Variants in DDX60L observed in about 807,000 individuals in gnomAD.
DDX60L encodes probable ATP-dependent RNA helicase DDX60-like.
In DDX60L, 191 loss-of-function variants were observed where a neutral mutation model predicts 211.6. The ratio of observed to expected loss-of-function variants is 0.90; its 90% CI spans 0.80 to 1.02. DDX60L has a LOEUF of 1.02. Among genes scored for constraint, DDX60L ranks in the 50% least tolerant of loss-of-function variants. The pLI is 0.00. For missense variants in DDX60L, 2,007 were observed against 1,984.1 expected (o/e 1.01, Z -0.22); for synonymous variants, 706 against 694.1 (o/e 1.02, Z -0.27).
At chr4:168,409,070 T>G (rs17612303) in intron 22 of DDX60L, among the ~76,000 whole-genome samples, 16,667 of 152,240 alleles carry the variant, frequency 0.11, 1,257 homozygotes, top group Admixed American at 0.15. Context: ...CATTGCTATC[T>G]TAGGAGCACG....
intron 25 of DDX60L, 130 bp downstream of exon 25, chr4:168,403,852 C>A (rs918530852): frequency 9.0e-6 from 4 of 445,392 alleles, no homozygotes; most frequent in African/African-American, 8.2e-5. Context: ...TATTATTTTT[C>A]TAAAATGCAA....
Position 168,415,845 on chromosome 4 carries a change from T to C in DDX60L, c.2727-46A>G, listed in dbSNP as rs1430499941. The stretch of plus-strand genomic sequence containing the variant: ...ATAATTTAAATAAAATATAGAAGTA[T>C]TTATCAAGAACTTGGATATTTTAAA... On this transcript the variant is annotated intron_variant, in intron 20 of 37. Transcript: ENST00000682922. 2.9e-6 allele frequency: 4 copies of C among 1,372,156 alleles called. No homozygotes were observed. The South Asian group carries it at 6.9e-5, about 24-fold the overall frequency. The allele number at this position is 1,372,156 out of a possible 1,614,324, so 85.0% of individuals were successfully genotyped here.
At chr4:168,360,677 T>C (rs1390976836) in intron 37 of DDX60L, among the ~76,000 whole-genome samples, 1 of 152,184 alleles carries the variant, frequency 6.6e-6, no homozygotes, top group Admixed American at 6.5e-5. Flanking sequence ...CTGTTGAGCA[T>C]TGGGCAGATG....
At chr4:168,450,257 C>T (rs1476148420) in intron 8 of DDX60L, among the ~76,000 whole-genome samples, 1 of 152,118 alleles carries the variant, frequency 6.6e-6, no homozygotes, top group African/African-American at 2.4e-5. Context: ...TCAGCCAGCT[C>T]TATAAACTGG....
chr4:168,471,493 C>G, intron 4 of DDX60L: 1 of 294,384 alleles, frequency 3.4e-6, no homozygotes, highest in Non-Finnish European at 6.1e-6. Flanking sequence ...ATATACCCCT[C>G]AGCCCAGGCT....
chr4:168,386,140 T>C lies in DDX60L; in HGVS notation c.3916-1328A>G, dbSNP rs140166150. On this transcript the variant is annotated intron_variant, in intron 29 of 37. Coordinates refer to ENST00000682922, the MANE Select transcript of DDX60L (RefSeq NM_001012967.3). The stretch of plus-strand genomic sequence containing the variant: ...CTTCTTCAGTTCTGCTTGGTTGAAA[T>C]AGTTGAGCCCTGACTGGGTGGTTTC... Among the ~76,000 whole-genome samples the C allele has an allele frequency of 9.9e-5, 15 of 152,180 alleles. No individual in the cohort carries two copies. The East Asian group carries it at 1.2e-3, about 12-fold the overall frequency.
chr4:168,428,756 C>T (rs754751209), intron 13 of DDX60L, among the ~76,000 whole-genome samples: 1 of 152,152 alleles, frequency 6.6e-6, no homozygotes, highest in Non-Finnish European at 1.5e-5. Context: ...GAAGAATGAT[C>T]GCAAAGTAGT....
At chr4:168,428,026 GAGCC>G (rs1175132362) in intron 13 of DDX60L, among the ~76,000 whole-genome samples, 14 of 152,390 alleles carry the variant, frequency 9.2e-5, no homozygotes, top group Admixed American at 3.9e-4. Context: ...TGGGCCCCAG[GAGCC>G]AGCCTTGGGC....
intron 25 of DDX60L, among the ~76,000 whole-genome samples, chr4:168,403,496 G>A (rs1393367574): frequency 6.6e-6 from 1 of 152,150 alleles, no homozygotes; most frequent in South Asian, 2.1e-4. Flanking sequence ...TCCCACTTCG[G>A]TTCTCCTAAT....
At chr4:168,425,633 G>C (rs975491380) in intron 14 of DDX60L, among the ~76,000 whole-genome samples, 3 of 152,112 alleles carry the variant, frequency 2.0e-5, no homozygotes, top group African/African-American at 4.8e-5. Flanking sequence ...ATGGTGGCAG[G>C]AGCCTGTAAT....
At chr4:168,397,314 G>A (rs997411016) in intron 26 of DDX60L, among the ~76,000 whole-genome samples, 5 of 152,130 alleles carry the variant, frequency 3.3e-5, no homozygotes, top group African/African-American at 1.2e-4. Flanking sequence ...CTATTACTGA[G>A]GGACTCAAAG....
At chr4:168,449,958 G>A (rs1372290878) in intron 8 of DDX60L, among the ~76,000 whole-genome samples, 1 of 152,034 alleles carries the variant, frequency 6.6e-6, no homozygotes, top group Non-Finnish European at 1.5e-5. Flanking sequence ...CCTGGGTGTA[G>A]GCTGAACTAA....
At chr4:168,442,272 A>G (rs1034667677) in intron 9 of DDX60L, among the ~76,000 whole-genome samples, 2 of 152,192 alleles carry the variant, frequency 1.3e-5, no homozygotes, top group African/African-American at 2.4e-5. Context: ...GGTCACTCCC[A>G]CCAGAATACT....
Position 168,432,531 on chromosome 4 carries a change from T to C in DDX60L, c.1440A>G (p.Thr480=), listed in dbSNP as rs143989462. The C allele has an allele frequency of 7.3e-5, 115 of 1,584,966 alleles. 1 individual carries two copies. In the East Asian group the frequency reaches 2.6e-3, roughly 36 times the overall value. Reference sequence around the variant, plus strand: ...CATGCCAGTGCAAAAGTTCATCAGATGTCTTTTGTTTAAACAGTGAAGGAA... The same window carrying C: ...CATGCCAGTGCAAAAGTTCATCAGACGTCTTTTGTTTAAACAGTGAAGGAA... ...PVVPSLFKQK[T]SDELLHWHAQ... Residue 480 remains threonine, a synonymous_variant, in exon 12 of 38, where the codon ACA becomes ACG. Coordinates refer to ENST00000682922, the MANE Select transcript of DDX60L (RefSeq NM_001012967.3).
intron 4 of DDX60L, chr4:168,469,363 C>T (rs1464133625): frequency 6.6e-6 from 1 of 152,156 alleles, no homozygotes; most frequent in Non-Finnish European, 1.5e-5. Context: ...CCCCCATTCA[C>T]ACCACAAACA....
intron 22 of DDX60L, 93 bp from the exon 23 acceptor site, chr4:168,406,799 C>T (rs921585223): frequency 3.3e-6 from 3 of 917,170 alleles, no homozygotes; most frequent in East Asian, 5.7e-5. Flanking sequence ...ACCCTCAAGT[C>T]TTTACCTGTG....
At chr4:168,413,705 TA>T (rs1195998443) in intron 22 of DDX60L, among the ~76,000 whole-genome samples, 1 of 151,736 alleles carries the variant, frequency 6.6e-6, no homozygotes, top group African/African-American at 2.4e-5. Context: ...AAAAGAGAAT[TA>T]AAAATGATAA....
intron 24 of DDX60L, 25 bp from the exon 25 acceptor site, chr4:168,404,131 T>TTA: frequency 1.9e-6 from 2 of 1,034,488 alleles, no homozygotes; most frequent in African/African-American, 1.8e-5. Flanking sequence ...AAAAATTATT[T>TTA]AAAAAAAAAA....
intron 31 of DDX60L, 34 bp from the exon 32 acceptor site, chr4:168,379,538 G>T: frequency 6.8e-7 from 1 of 1,472,618 alleles, no homozygotes; most frequent in Non-Finnish European, 9.1e-7. Context: ...GATTTAACTT[G>T]TCATGTACTC....
Sources: allele counts gnomAD v4.1 joint callset (sites outside exome capture counted in the v4.1 genomes callset), GRCh38; gene constraint gnomAD v4.1.1; transcripts MANE v1.5; gene names NCBI Gene and HGNC (gene_info 2026-07-23, HGNC 2026-07-21).